Variants in DOCK1 observed in about 807,000 individuals in gnomAD.
DOCK1 encodes dedicator of cytokinesis 1.
Under a neutral mutation model 262.7 loss-of-function variants are expected in DOCK1, and 138 were observed. The observed-to-expected ratio is 0.53, with a 90% CI of 0.46 to 0.61. The LOEUF is 0.61. DOCK1 is among the 20% of genes least tolerant of loss of function. The pLI, the probability that DOCK1 is intolerant of heterozygous loss-of-function variation, is 0.00. For missense variants in DOCK1, 1,908 were observed against 2,370.7 expected (o/e 0.80, Z 4.05); for synonymous variants, 866 against 867.4 (o/e 1.00, Z 0.03).
chr10:127,380,337 C>T (rs1379407749), intron 36 of DOCK1, among the ~76,000 whole-genome samples: 1 of 151,728 alleles, frequency 6.6e-6, no homozygotes, highest in African/African-American at 2.4e-5. Flanking sequence ...TCACCATTAG[C>T]CAACTCAAAA....
chr10:127,258,797 A>T (rs1325118936), intron 29 of DOCK1, among the ~76,000 whole-genome samples: 1 of 152,218 alleles, frequency 6.6e-6, no homozygotes, highest in East Asian at 1.9e-4. Context: ...TGCCGTTGAC[A>T]CTGTTTTTGC....
chr10:127,266,118 CAGG>C (rs1377683088), intron 29 of DOCK1, among the ~76,000 whole-genome samples: 1 of 152,232 alleles, frequency 6.6e-6, no homozygotes, highest in African/African-American at 2.4e-5. Context: ...ATGGCCAAGT[CAGG>C]AGGACTGCGT....
At chr10:126,981,383 C>T (rs76125285) in intron 3 of DOCK1, among the ~76,000 whole-genome samples, 6,841 of 152,288 alleles carry the variant, frequency 0.045, 199 homozygotes, top group Middle Eastern at 0.11. Context: ...AGCTTATCAG[C>T]GGAAGCTAGG....
intron 29 of DOCK1, among the ~76,000 whole-genome samples, chr10:127,325,431 C>G (rs957730130): frequency 6.6e-6 from 1 of 152,124 alleles, no homozygotes; most frequent in Non-Finnish European, 1.5e-5. Context: ...TGGTTACCAC[C>G]TAGGAGGCTG....
At chr10:127,124,063 G>C (rs752763449) in intron 25 of DOCK1, among the ~76,000 whole-genome samples, 1 of 152,196 alleles carries the variant, frequency 6.6e-6, no homozygotes, top group South Asian at 2.1e-4. Flanking sequence ...CATGTGATCC[G>C]CTGGAGACAG....
chr10:127,256,674 G>C (rs1287053755), intron 28 of DOCK1, among the ~76,000 whole-genome samples: 1 of 152,132 alleles, frequency 6.6e-6, no homozygotes, highest in Non-Finnish European at 1.5e-5. Flanking sequence ...ATGGAAGCAG[G>C]GTAGAGCAGC....
intron 22 of DOCK1, 139 bp downstream of exon 22, chr10:127,052,954 G>A: frequency 3.0e-6 from 4 of 1,345,654 alleles, no homozygotes; most frequent in South Asian, 1.5e-5. Context: ...TAGGCTGAGA[G>A]AGCACTGTTG....
chr10:127,325,402 G>A (rs1189618771), intron 29 of DOCK1, among the ~76,000 whole-genome samples: 1 of 152,170 alleles, frequency 6.6e-6, no homozygotes, highest in Non-Finnish European at 1.5e-5. Flanking sequence ...GGCACTCTAT[G>A]CAATGTGAGC....
intron 24 of DOCK1, among the ~76,000 whole-genome samples, chr10:127,109,260 G>A (rs1425491621): frequency 6.6e-6 from 1 of 152,186 alleles, no homozygotes; most frequent in East Asian, 1.9e-4. Context: ...TTGCCAGTAT[G>A]ACTGGTGAAA....
intron 25 of DOCK1, among the ~76,000 whole-genome samples, chr10:127,113,974 G>A (rs1395851878): frequency 1.3e-5 from 2 of 152,140 alleles, no homozygotes; most frequent in Non-Finnish European, 2.9e-5. Context: ...AGCTCTCTGG[G>A]CATCCGTGGT....
intron 29 of DOCK1, among the ~76,000 whole-genome samples, chr10:127,322,592 A>G (rs1299547289): frequency 6.6e-6 from 1 of 152,262 alleles, no homozygotes; most frequent in African/African-American, 2.4e-5. Flanking sequence ...CCCACAAGCT[A>G]GGAATAGATT....
At chr10:127,197,963 G>C (rs1261554798) in intron 27 of DOCK1, among the ~76,000 whole-genome samples, 1 of 152,156 alleles carries the variant, frequency 6.6e-6, no homozygotes, top group East Asian at 1.9e-4. Context: ...ATACAATTTT[G>C]CCAGCCTTGG....
chr10:127,037,607 T>A, intron 18 of DOCK1, 112 bp from the exon 19 acceptor site: 2 of 841,890 alleles, frequency 2.4e-6, no homozygotes, highest in Non-Finnish European at 3.6e-6. Context: ...TAAAATAGGG[T>A]TGATTTCTCT....
At chr10:127,424,391 CCAT>C (rs1442252485) in intron 46 of DOCK1, among the ~76,000 whole-genome samples, 15 of 152,264 alleles carry the variant, frequency 9.9e-5, no homozygotes, top group African/African-American at 3.1e-4. Flanking sequence ...TATCACACCA[CCAT>C]CAACACCAAC....
chr10:127,342,424 C>T (rs908871129), intron 30 of DOCK1, among the ~76,000 whole-genome samples: 1 of 152,148 alleles, frequency 6.6e-6, no homozygotes, highest in Non-Finnish European at 1.5e-5. Flanking sequence ...TCATGTGTTA[C>T]CTGTAGCTTT....
At chr10:127,149,217 G>A (rs1399817957) in intron 27 of DOCK1, among the ~76,000 whole-genome samples, 2 of 152,104 alleles carry the variant, frequency 1.3e-5, no homozygotes, top group Admixed American at 6.6e-5. Context: ...TGATCCCTTA[G>A]TGCAACCCCA....
chr10:127,179,606 C>T (rs751261869), intron 27 of DOCK1, among the ~76,000 whole-genome samples: 1 of 152,088 alleles, frequency 6.6e-6, no homozygotes, highest in Non-Finnish European at 1.5e-5. Context: ...AAGGTGGACA[C>T]ATCTTTTCGG....
chr10:127,219,405 C>T (rs1363154971), intron 27 of DOCK1, among the ~76,000 whole-genome samples: 1 of 152,066 alleles, frequency 6.6e-6, no homozygotes, highest in Non-Finnish European at 1.5e-5. Flanking sequence ...GCCAATTAGT[C>T]CTTGGCCATT....
Position 127,255,311 on chromosome 10 carries a change from G to A in DOCK1, c.2950-2024G>A, listed in dbSNP as rs77571644. Among the ~76,000 whole-genome samples, 2,111 of 152,248 alleles carry A rather than the reference G, an allele frequency of 0.014. 72 individuals carry two copies. In the East Asian group the frequency reaches 0.14, roughly 10 times the overall value. On this transcript the variant is annotated intron_variant, in intron 28 of 51. Coordinates refer to ENST00000623213, the MANE Select transcript of DOCK1 (RefSeq NM_001290223.2). ...GGATACTCAGGATACTGAAACGGGAGGATCACTTGGGTCCCAGGGTTGAAG... is the reference window on the plus strand; with the variant it reads ...GGATACTCAGGATACTGAAACGGGAAGATCACTTGGGTCCCAGGGTTGAAG...
Sources: gnomAD v4.1 joint callset for allele counts (sites outside exome capture counted in the v4.1 genomes callset) on GRCh38, gnomAD v4.1.1 for gene constraint, MANE v1.5 for transcripts, NCBI Gene and HGNC (gene_info 2026-07-23, HGNC 2026-07-21) for gene names.